FAM171A1: variants seen among roughly 807,000 people sequenced by gnomAD.
The protein encoded by FAM171A1 is family with sequence similarity 171 member A1, also known as protein FAM171A1.
A neutral mutation model predicts 74.9 loss-of-function variants in FAM171A1; 23 were observed. That is an observed-to-expected ratio of 0.31 (90% CI 0.22 to 0.44). FAM171A1 has a LOEUF of 0.44. Ranked by LOEUF, FAM171A1 falls within the 20% of genes least tolerant of loss-of-function variation. FAM171A1 has a pLI of 1.00. For missense variants in FAM171A1, 1,162 were observed against 1,159.2 expected, an observed-to-expected ratio of 1.00 and a Z score of -0.03; for synonymous variants, 527 against 505.7, an observed-to-expected ratio of 1.04 and a Z score of -0.57.
chr10:15,372,478 T>C (rs1836161542), upstream of FAM171A1, among the ~76,000 whole-genome samples: 2 of 151,998 alleles, frequency 1.3e-5, no homozygotes, highest in African/African-American at 4.8e-5. Context: ...GTGGATGGCC[T>C]GAGTTCAGGA....
intron 3 of FAM171A1, among the ~76,000 whole-genome samples, chr10:15,270,659 G>C (rs1834812102): frequency 6.6e-6 from 1 of 152,158 alleles, no homozygotes; most frequent in Non-Finnish European, 1.5e-5. Flanking sequence ...ATACGGCTGG[G>C]TGCCCCTTTG....
chr10:15,233,450 G>A (rs967659931), intron 5 of FAM171A1, among the ~76,000 whole-genome samples: 13 of 152,112 alleles, frequency 8.5e-5, no homozygotes, highest in African/African-American at 2.7e-4. Flanking sequence ...ATGGCGTACT[G>A]CAGGGACAAG....
At chr10:15,258,252 G>A (rs954326787) in intron 3 of FAM171A1, among the ~76,000 whole-genome samples, 2 of 151,934 alleles carry the variant, frequency 1.3e-5, no homozygotes, top group Non-Finnish European at 2.9e-5. Context: ...GTAGATATGA[G>A]GTTTCATCAC....
intron 5 of FAM171A1, among the ~76,000 whole-genome samples, chr10:15,230,599 T>G (rs915468869): frequency 5.3e-5 from 8 of 152,172 alleles, no homozygotes; most frequent in African/African-American, 1.7e-4. Flanking sequence ...CCCTGGGTAT[T>G]TTTAGGGTAG....
chr10:15,215,057 A>G (rs532196562), intron 7 of FAM171A1, among the ~76,000 whole-genome samples: 92 of 152,020 alleles, frequency 6.1e-4, no homozygotes, highest in African/African-American at 2.2e-3. Flanking sequence ...CCTTATCCTT[A>G]TTTTATCCTT....
intron 6 of FAM171A1, among the ~76,000 whole-genome samples, chr10:15,220,514 T>C (rs147446141): frequency 3.9e-4 from 60 of 152,326 alleles, no homozygotes; most frequent in African/African-American, 1.4e-3. Flanking sequence ...GGTTTACGTT[T>C]AAGCCATTTT....
intron 3 of FAM171A1, among the ~76,000 whole-genome samples, chr10:15,274,515 C>G (rs961403848): frequency 6.6e-6 from 1 of 152,170 alleles, no homozygotes; most frequent in African/African-American, 2.4e-5. Context: ...TGACTTTCTT[C>G]ACAGAATTGG....
intron 5 of FAM171A1, among the ~76,000 whole-genome samples, chr10:15,227,877 T>C (rs1465362404): frequency 6.6e-6 from 1 of 152,320 alleles, no homozygotes; most frequent in East Asian, 1.9e-4. Context: ...TTATTACACA[T>C]AACAACTGAC....
At chr10:15,343,421 T>C (rs57774458) in intron 1 of FAM171A1, among the ~76,000 whole-genome samples, 2 of 152,132 alleles carry the variant, frequency 1.3e-5, no homozygotes, top group Non-Finnish European at 2.9e-5. Flanking sequence ...GGGCGGGAAG[T>C]GTCTGGACCC....
At chr10:15,300,353 G>C (rs1041398993) in intron 1 of FAM171A1, among the ~76,000 whole-genome samples, 1 of 152,116 alleles carries the variant, frequency 6.6e-6, no homozygotes, top group East Asian at 1.9e-4. Flanking sequence ...CCAGTCACGT[G>C]GTCTTGGCCA....
At chr10:15,227,510 A>G (rs2131724220) in intron 5 of FAM171A1, among the ~76,000 whole-genome samples, 1 of 152,226 alleles carries the variant, frequency 6.6e-6, no homozygotes, top group African/African-American at 2.4e-5. Flanking sequence ...AGCCTCCCAA[A>G]TAGCTCAGAC....
chr10:15,294,522 C>T (rs1448658832), intron 1 of FAM171A1, among the ~76,000 whole-genome samples: 2 of 152,170 alleles, frequency 1.3e-5, no homozygotes, highest in South Asian at 2.1e-4. Context: ...AAGAAACGAG[C>T]GCTCAGGAAT....
chr10:15,307,441 T>C (rs1185862510), intron 1 of FAM171A1, among the ~76,000 whole-genome samples: 1 of 151,894 alleles, frequency 6.6e-6, no homozygotes, highest in Non-Finnish European at 1.5e-5. Flanking sequence ...GGTCAGGAGT[T>C]CGAGACCAGC....
At chr10:15,309,625 C>T (rs1440589592) in intron 1 of FAM171A1, among the ~76,000 whole-genome samples, 5 of 152,204 alleles carry the variant, frequency 3.3e-5, no homozygotes, top group Admixed American at 6.5e-5. Context: ...AAGTCTTGGC[C>T]GACAATTGCC....
chr10:15,313,792 A>G lies in FAM171A1; in HGVS notation c.98-29687T>C, dbSNP rs545463607. Reference sequence around the variant, plus strand: ...TCATCCTTAATTTGGAAGAAATAAAATATGTTTAATGGAAACTGCTTTAAG... The same window carrying G: ...TCATCCTTAATTTGGAAGAAATAAAGTATGTTTAATGGAAACTGCTTTAAG... On this transcript the variant is annotated intron_variant, in intron 1 of 7. Coordinates refer to ENST00000378116, the MANE Select transcript of FAM171A1 (RefSeq NM_001010924.2). Among the ~76,000 whole-genome samples, 5 of 152,342 alleles carry G rather than the reference A, an allele frequency of 3.3e-5. No individual in the cohort carries two copies. The South Asian group carries it at 6.2e-4, about 19-fold the overall frequency.
intron 3 of FAM171A1, among the ~76,000 whole-genome samples, chr10:15,257,464 T>C (rs1834595348): frequency 6.6e-6 from 1 of 152,170 alleles, no homozygotes. Context: ...CCCCTGATCC[T>C]CTGCTTCTCG....
intron 1 of FAM171A1, among the ~76,000 whole-genome samples, chr10:15,327,243 G>A (rs1344415805): frequency 1.3e-5 from 2 of 152,030 alleles, no homozygotes; most frequent in Non-Finnish European, 2.9e-5. Context: ...CTACCCCCTA[G>A]GCCACTCACC....
intron 1 of FAM171A1, among the ~76,000 whole-genome samples, chr10:15,303,312 G>A (rs577649340): frequency 6.6e-6 from 1 of 151,986 alleles, no homozygotes. Flanking sequence ...AATCACACAC[G>A]ATTGAAATTT....
intron 1 of FAM171A1, among the ~76,000 whole-genome samples, chr10:15,341,153 G>T (rs183474153): frequency 6.6e-6 from 1 of 152,158 alleles, no homozygotes; most frequent in African/African-American, 2.4e-5. Context: ...AGTAGGACAC[G>T]CACCATGGAC....
Sources: gnomAD v4.1 joint callset for allele counts (sites outside exome capture counted in the v4.1 genomes callset) on GRCh38, gnomAD v4.1.1 for gene constraint, MANE v1.5 for transcripts, NCBI Gene and HGNC (gene_info 2026-07-23, HGNC 2026-07-21) for gene names.